The following PRKX variants were observed in gnomAD, a reference collection of about 807,000 sequenced individuals.
PRKX encodes the protein cAMP-dependent protein kinase catalytic subunit PRKX.
PRKX carries 12 observed loss-of-function variants against 22.0 expected under a neutral mutation model. The ratio of observed to expected loss-of-function variants is 0.54; its 90% confidence interval spans 0.35 to 0.88. The LOEUF is 0.88. PRKX is among the 40% of genes least tolerant of loss of function. PRKX has a pLI of 0.01. For missense variants in PRKX, 217 were observed against 308.0 expected, an observed-to-expected ratio of 0.70 and a Z score of 2.21; for synonymous variants, 134 against 137.7, an observed-to-expected ratio of 0.97 and a Z score of 0.19.
At chrX:3,634,383 G>A (rs899692243) in intron 4 of PRKX, among the ~76,000 whole-genome samples, 7 of 110,908 alleles carry the variant, frequency 6.3e-5, no homozygotes, top group African/African-American at 2.3e-4. Flanking sequence ...GCACTGGGGT[G>A]TGTGAGGGTT....
intron 2 of PRKX, among the ~76,000 whole-genome samples, chrX:3,668,815 G>A (rs914322573): frequency 8.0e-5 from 9 of 112,603 alleles, no homozygotes; most frequent in Admixed American, 5.6e-4. Flanking sequence ...TGCAGGCTCA[G>A]GGGCTGGGGC....
In PRKX at chrX:3,713,579, G is replaced by C. The variant is rs7053882; in HGVS notation, c.-326C>G. 0.49 allele frequency: 76,114 copies of C among 156,378 alleles called. 15,760 individuals are homozygous for C. Among genetic ancestry groups the C allele is most frequent in the East Asian group, 0.93 (6,927 of 7,442 alleles). 12.9% of individuals were successfully genotyped at this position (156,378 alleles called of 1,213,427 possible). ...GCGAGGCGGGGGCCCTGCGCATTCC[G>C]GGTCTCGCGCCCGCCGCCTCCTCCA... On this transcript the variant is annotated 5_prime_UTR_variant, in exon 1 of 9. Transcript: ENST00000262848.
At chrX:3,618,880 T>C (rs1025206235) in intron 6 of PRKX, among the ~76,000 whole-genome samples, 1 of 111,642 alleles carries the variant, frequency 9.0e-6, no homozygotes, top group Non-Finnish European at 1.9e-5. Flanking sequence ...TAAATGGCTG[T>C]GGCATTAAAA....
intron 4 of PRKX, among the ~76,000 whole-genome samples, chrX:3,626,872 T>C (rs1417425244): frequency 8.9e-6 from 1 of 111,953 alleles, no homozygotes; most frequent in Middle Eastern, 4.2e-3. Flanking sequence ...CTCTCATGTT[T>C]ACCGGGGTGA....
At position 3,613,854 on chromosome X, in the gene PRKX, CAAAAAAAAAAA is replaced by C. The variant is rs1205221732; in HGVS notation, c.952-1540_952-1530del. ...TGAGCGACAAAGTGAGACTCCATCT[CAAAAAAAAAAA>C]AAAAAAAAAAAAAAAGAAGCGTATC... On this transcript the variant is annotated intron_variant, in intron 7 of 8. Coordinates refer to ENST00000262848, the MANE Select transcript of PRKX (RefSeq NM_005044.5). 9.4e-3 allele frequency among the ~76,000 whole-genome samples: 370 copies of C among 39,422 alleles called. 2 individuals carry two copies. The highest frequency in any genetic ancestry group is 0.03 in the African/African-American group (346 of 11,658). 34.2% of individuals were successfully genotyped at this position (39,422 alleles called of 115,157 possible).
At chrX:3,649,674 CGAAGGAATGGGAGGGGAGGGAAGGG>C (rs1202067564) in intron 3 of PRKX, among the ~76,000 whole-genome samples, 1 of 4,599 alleles carries the variant, frequency 2.2e-4, no homozygotes, top group Non-Finnish European at 3.6e-4. Flanking sequence ...GGAGGGGAGG[CGAAGGAATGGGAGGGGAGGGAAGGG>C]GAAGGAATGG....
intron 1 of PRKX, among the ~76,000 whole-genome samples, chrX:3,675,330 CA>C (rs1433700078): frequency 2.7e-5 from 3 of 110,942 alleles, no homozygotes; most frequent in Non-Finnish European, 5.7e-5. Flanking sequence ...TAGGTGCCCA[CA>C]AACAGAAAAC....
chrX:3,713,428 G>T lies in PRKX; in HGVS notation c.-175C>A. On this transcript the variant is annotated 5_prime_UTR_variant, in exon 1 of 9. Coordinates refer to ENST00000262848, the MANE Select transcript of PRKX (RefSeq NM_005044.5). ...GGCTGACGGAGCGACGGGGACAATG[G>T]CTGGGCGGCGCTCACGGCACAAGCA... 1 of 333,603 alleles carries T rather than the reference G, an allele frequency of 3.0e-6. No individual in the cohort carries two copies. Among genetic ancestry groups the T allele is most frequent in the Non-Finnish European group, 4.8e-6 (1 of 209,108 alleles). 27.5% of individuals were successfully genotyped at this position (333,603 alleles called of 1,213,427 possible).
At chrX:3,669,722 A>G (rs1256985457) in intron 2 of PRKX, among the ~76,000 whole-genome samples, 1 of 111,782 alleles carries the variant, frequency 8.9e-6, no homozygotes, top group Admixed American at 9.5e-5. Context: ...ATTATCTATC[A>G]CCTATCTTAA....
chrX:3,611,099 C>T (rs747915964), intron 8 of PRKX: 1 of 112,039 alleles, frequency 8.9e-6, no homozygotes, highest in East Asian at 2.8e-4. Context: ...GACAGGTTAT[C>T]TTCTCGAGGT....
At chrX:3,619,299 C>T (rs761693243) in intron 6 of PRKX, among the ~76,000 whole-genome samples, 2 of 111,342 alleles carry the variant, frequency 1.8e-5, no homozygotes, top group African/African-American at 6.5e-5. Flanking sequence ...ATGCCTGGAG[C>T]CCCCAGGAGC....
intron 1 of PRKX, among the ~76,000 whole-genome samples, chrX:3,688,856 G>A (rs748731261): frequency 3.3e-4 from 35 of 105,652 alleles, no homozygotes; most frequent in African/African-American, 1.2e-3. Context: ...GCAAAAGAGC[G>A]GGACCCCCAT....
At chrX:3,709,696 T>C (rs1362018047) in intron 1 of PRKX, among the ~76,000 whole-genome samples, 1 of 110,785 alleles carries the variant, frequency 9.0e-6, no homozygotes, top group African/African-American at 3.4e-5. Flanking sequence ...TCATTTTAAG[T>C]AGGAAATTGG....
intron 6 of PRKX, among the ~76,000 whole-genome samples, chrX:3,617,398 C>G (rs1926450820): frequency 9.1e-6 from 1 of 109,844 alleles, no homozygotes; most frequent in Non-Finnish European, 1.9e-5. Context: ...TATTCCAGCA[C>G]TTTGGGAGGC....
intron 1 of PRKX, among the ~76,000 whole-genome samples, chrX:3,680,080 C>T (rs1314219554): frequency 1.4e-4 from 16 of 110,943 alleles, no homozygotes; most frequent in African/African-American, 4.3e-4. Context: ...CCTACCCTAT[C>T]CATCCTTCCC....
chrX:3,681,898 T>G, intron 1 of PRKX, among the ~76,000 whole-genome samples: 1 of 110,071 alleles, frequency 9.1e-6, no homozygotes, highest in East Asian at 2.9e-4. Context: ...GCCACCGTGT[T>G]TATCATCACG....
At chrX:3,611,398 A>G (rs1343324084) in intron 8 of PRKX, 1 of 112,433 alleles carries the variant, frequency 8.9e-6, no homozygotes, top group African/African-American at 3.2e-5. Context: ...ATGAATAGAC[A>G]CATCACTGAC....
rs187039467 is a variant in PRKX at position 3,634,149 on chromosome X, C to T, written c.720-7635G>A. ...CCTGTAACCCCAGCTACTCGGCAGG[C>T]TGAGGCAGGAGAATTGCTTGAACCC... On this transcript the variant is annotated intron_variant, in intron 4 of 8. Coordinates refer to ENST00000262848, the MANE Select transcript of PRKX (RefSeq NM_005044.5). 2.5e-4 allele frequency among the ~76,000 whole-genome samples: 28 copies of T among 110,792 alleles called. No individual in the cohort carries two copies. The East Asian group carries it at 7.4e-3, about 29-fold the overall frequency.
At chrX:3,669,887 A>C (rs1263036378) in intron 2 of PRKX, among the ~76,000 whole-genome samples, 3 of 111,914 alleles carry the variant, frequency 2.7e-5, no homozygotes, top group Non-Finnish European at 5.6e-5. Flanking sequence ...TGTCTATCAC[A>C]GTGGTTCACT....
Sources: allele counts gnomAD v4.1 joint callset (sites outside exome capture counted in the v4.1 genomes callset), GRCh38; gene constraint gnomAD v4.1.1; transcripts MANE v1.5; gene names NCBI Gene and HGNC (gene_info 2026-07-23, HGNC 2026-07-21).